The following NR3C1 variants were observed in gnomAD, a reference collection of about 807,000 sequenced individuals.
NR3C1 encodes the protein glucocorticoid receptor.
A neutral mutation model predicts 74.0 loss-of-function variants in NR3C1; 14 were observed. The observed-to-expected ratio is 0.19, with a 90% CI of 0.12 to 0.30. NR3C1 has a LOEUF of 0.30. NR3C1 is among the 10% of genes least tolerant of loss of function. The pLI, the probability that NR3C1 is intolerant of heterozygous loss-of-function variation, is 1.00. For synonymous variants in NR3C1, 308 were observed against 332.5 expected, an observed-to-expected ratio of 0.93 and a Z score of 0.80; for missense variants, 695 against 909.8, an observed-to-expected ratio of 0.76 and a Z score of 3.04.
At chr5:143,328,905 G>A (rs1301963289) in intron 2 of NR3C1, among the ~76,000 whole-genome samples, 4 of 152,114 alleles carry the variant, frequency 2.6e-5, no homozygotes, top group Non-Finnish European at 4.4e-5. Context: ...AAGTCTCTAG[G>A]ACGTTCCAAA....
Position 143,279,894 on chromosome 5 carries a change from C to T in NR3C1, c.*1995G>A, listed in dbSNP as rs1401640699. 2 of 155,006 alleles carry T rather than the reference C, an allele frequency of 1.3e-5. No homozygotes were observed. The highest frequency in any genetic ancestry group is 2.9e-5 in the Non-Finnish European group (2 of 69,942). The allele number at this position is 155,006 out of a possible 1,614,324, so 9.6% of individuals were successfully genotyped here. On this transcript the variant is annotated 3_prime_UTR_variant, in exon 9 of 9. Coordinates refer to ENST00000394464, the MANE Select transcript of NR3C1 (RefSeq NM_000176.3). ...GATGTAAGCACCACCTTCCTGTCTC[C>T]TGTTTACATACTTTACATACTTTAG...
At chr5:143,376,646 A>T (rs577288981) in intron 2 of NR3C1, among the ~76,000 whole-genome samples, 106 of 152,286 alleles carry the variant, frequency 7.0e-4, no homozygotes, top group Non-Finnish European at 1.1e-3. Context: ...TTCTTAGTGC[A>T]GTGGTTCTAA....
At chr5:143,325,937 T>C (rs768711472) in intron 2 of NR3C1, among the ~76,000 whole-genome samples, 15 of 152,316 alleles carry the variant, frequency 9.8e-5, no homozygotes, top group Admixed American at 2.6e-4. Context: ...AATTTAAGAC[T>C]GAAAAAAGTT....
rs751192026 is a variant in NR3C1 at position 143,313,998 on chromosome 5, C to T, written c.1351+4G>A. 4.3e-6 allele frequency: 7 copies of T among 1,613,226 alleles called. No individual in the cohort carries two copies. The Admixed American group carries it at 8.3e-5, about 19-fold the overall frequency. On this transcript the variant is annotated splice_donor_region_variant and intron_variant, in intron 3 of 8. Transcript: ENST00000394464. ...AAAAATAAACTCTTCAAAACACACA[C>T]TACCTTCCACTGCTCTTTTGAAGAA...
At chr5:143,435,242 G>T in exon 1 of NR3C1, 6 of 985,304 alleles carry the variant, frequency 6.1e-6, no homozygotes, top group Non-Finnish European at 7.2e-6. Context: ...TCATGCCCCA[G>T]TGCTTCCGTT....
At chr5:143,313,210 T>C (rs538244261) in intron 3 of NR3C1, among the ~76,000 whole-genome samples, 1 of 152,318 alleles carries the variant, frequency 6.6e-6, no homozygotes, top group East Asian at 1.9e-4. Context: ...GAGTCACTGG[T>C]AGTATTAGGA....
chr5:143,376,289 G>A (rs964842311), intron 2 of NR3C1, among the ~76,000 whole-genome samples: 7 of 152,244 alleles, frequency 4.6e-5, no homozygotes, highest in African/African-American at 1.7e-4. Context: ...TGGAACCAAA[G>A]ATTGTTACAG....
chr5:143,404,622 CGAAG>C (rs1458703244), upstream of NR3C1: 10 of 579,350 alleles, frequency 1.7e-5, no homozygotes, highest in South Asian at 7.4e-5. Context: ...TGCTCACACT[CGAAG>C]GAAGTTGCAC....
upstream of NR3C1, chr5:143,407,536 A>C (rs1436887437): frequency 1.3e-5 from 2 of 152,192 alleles, no homozygotes; most frequent in Non-Finnish European, 2.9e-5. Flanking sequence ...AGTTCTGCAA[A>C]GGCAGGGACT....
chr5:143,311,405 A>ATTTC (rs909920322), intron 3 of NR3C1, among the ~76,000 whole-genome samples: 2 of 152,176 alleles, frequency 1.3e-5, no homozygotes, highest in African/African-American at 4.8e-5. Context: ...GCCAATCTTG[A>ATTTC]TTTCTTTATC....
intron 1 of NR3C1, among the ~76,000 whole-genome samples, chr5:143,409,582 A>G (rs939490653): frequency 1.3e-5 from 2 of 152,216 alleles, no homozygotes; most frequent in African/African-American, 2.4e-5. Context: ...TCTCTTTAAA[A>G]TAATATCTTG....
chr5:143,422,507 G>A (rs920233048), intron 1 of NR3C1, among the ~76,000 whole-genome samples: 9 of 152,142 alleles, frequency 5.9e-5, no homozygotes, highest in Non-Finnish European at 1.2e-4. Flanking sequence ...ATGGCATTAG[G>A]AGGTGGAACC....
intron 4 of NR3C1, among the ~76,000 whole-genome samples, chr5:143,308,019 A>G (rs934790400): frequency 6.6e-6 from 1 of 152,222 alleles, no homozygotes; most frequent in African/African-American, 2.4e-5. Flanking sequence ...TTAAGTTTAA[A>G]TAGCCTGGTC....
intron 4 of NR3C1, among the ~76,000 whole-genome samples, chr5:143,301,513 A>G (rs1296298493): frequency 6.9e-6 from 1 of 144,980 alleles, no homozygotes; most frequent in Non-Finnish European, 1.6e-5. Flanking sequence ...AGCCATTTTC[A>G]TATTATATAT....
intron 2 of NR3C1, among the ~76,000 whole-genome samples, chr5:143,394,965 T>A (rs115525440): frequency 3.3e-5 from 5 of 152,118 alleles, no homozygotes; most frequent in Non-Finnish European, 7.4e-5. Flanking sequence ...GGAAATTCTG[T>A]ATTTAGAGAC....
chr5:143,411,638 G>A (rs1265524595), intron 1 of NR3C1, among the ~76,000 whole-genome samples: 1 of 152,110 alleles, frequency 6.6e-6, no homozygotes, highest in Non-Finnish European at 1.5e-5. Flanking sequence ...ATGGTTCTGT[G>A]AAAATCACAT....
chr5:143,325,421 C>T (rs1010889423), intron 2 of NR3C1, among the ~76,000 whole-genome samples: 3 of 152,212 alleles, frequency 2.0e-5, no homozygotes, highest in African/African-American at 7.2e-5. Flanking sequence ...GTCCCTCCCA[C>T]AACACATAGG....
At chr5:143,327,602 A>T (rs1824913876) in intron 2 of NR3C1, among the ~76,000 whole-genome samples, 1 of 152,248 alleles carries the variant, frequency 6.6e-6, no homozygotes, top group Non-Finnish European at 1.5e-5. Context: ...AGTTACTTCC[A>T]AGATACAATG....
In NR3C1 at chr5:143,360,808, C is replaced by G. The variant is rs1832089163; in HGVS notation, c.1184+38848G>C. On this transcript the variant is annotated intron_variant, in intron 2 of 8. Coordinates refer to ENST00000394464, the MANE Select transcript of NR3C1 (RefSeq NM_000176.3). ...ATATGACTGATATATCAACAGTAAG[C>G]AGAGTGACCTCCAAGTTAGATACAT... 1.3e-5 allele frequency among the ~76,000 whole-genome samples: 2 copies of G among 152,106 alleles called. 1 individual carries two copies. The highest frequency in any genetic ancestry group is 1.3e-4 in the Admixed American group (2 of 15,278).
Sources: allele counts gnomAD v4.1 joint callset (sites outside exome capture counted in the v4.1 genomes callset), GRCh38; gene constraint gnomAD v4.1.1; transcripts MANE v1.5; gene names NCBI Gene and HGNC (gene_info 2026-07-23, HGNC 2026-07-21).